Variants in GRM8 observed in about 807,000 individuals in gnomAD.
GRM8 encodes the protein metabotropic glutamate receptor 8.
GRM8 carries 47 observed loss-of-function variants against 87.2 expected under a neutral mutation model. That is an observed-to-expected ratio of 0.54 (90% confidence interval 0.43 to 0.69). The LOEUF (loss-of-function observed/expected upper bound fraction) is 0.69. Ranked by LOEUF, GRM8 falls within the 30% of genes least tolerant of loss-of-function variation. The probability of loss-of-function intolerance (pLI) is 0.00; values close to 1 mark genes in which losing one functional copy is unlikely to be tolerated. For synonymous variants in GRM8, 396 were observed against 404.5 expected, an observed-to-expected ratio of 0.98 and a Z score of 0.25; for missense variants, 1,019 against 1,139.2, an observed-to-expected ratio of 0.89 and a Z score of 1.52.
At chr7:126,848,266 A>G (rs1306047221) in intron 6 of GRM8, among the ~76,000 whole-genome samples, 1 of 152,134 alleles carries the variant, frequency 6.6e-6, no homozygotes, top group Non-Finnish European at 1.5e-5. Context: ...GTCATTGGAA[A>G]ATGAGAGTCT....
intron 8 of GRM8, among the ~76,000 whole-genome samples, chr7:126,592,354 T>C (rs1796755900): frequency 6.6e-6 from 1 of 151,946 alleles, no homozygotes; most frequent in South Asian, 2.1e-4. Flanking sequence ...CCAATATCCC[T>C]GATGAACACT....
At chr7:127,248,728 A>C (rs1383454470) in intron 1 of GRM8, among the ~76,000 whole-genome samples, 1 of 152,230 alleles carries the variant, frequency 6.6e-6, no homozygotes. Flanking sequence ...CCTAGAACTA[A>C]AATATGTTAC....
chr7:126,998,646 A>G lies in GRM8; in HGVS notation c.728-93963T>C, dbSNP rs17866849. Among the ~76,000 whole-genome samples, 644 of 151,872 alleles carry G rather than the reference A, an allele frequency of 4.2e-3. 4 individuals carry two copies. The highest frequency in any genetic ancestry group is 0.015 in the African/African-American group (614 of 41,536). Reference sequence around the variant, plus strand: ...ACATGAAACAATCTGAAAAAGAAAAAAAGTTCTTCCATTTAATATAGCTAC... The same window carrying G: ...ACATGAAACAATCTGAAAAAGAAAAGAAGTTCTTCCATTTAATATAGCTAC... On this transcript the variant is annotated intron_variant, in intron 3 of 10. Transcript: ENST00000339582.
At chr7:127,100,757 C>T (rs34541328) in intron 3 of GRM8, among the ~76,000 whole-genome samples, 93 of 152,254 alleles carry the variant, frequency 6.1e-4, no homozygotes, top group Non-Finnish European at 1.1e-3. Context: ...TCAATGATCT[C>T]CACCTTGCCC....
At chr7:126,877,737 T>C (rs1799654604) in intron 6 of GRM8, among the ~76,000 whole-genome samples, 1 of 152,212 alleles carries the variant, frequency 6.6e-6, no homozygotes, top group Admixed American at 6.5e-5. Context: ...AGCCCACCTA[T>C]GAACTCTCAA....
chr7:126,708,861 C>G (rs1297853861), intron 7 of GRM8, among the ~76,000 whole-genome samples: 1 of 151,792 alleles, frequency 6.6e-6, no homozygotes, highest in East Asian at 1.9e-4. Flanking sequence ...TGAGGGGATT[C>G]AAAATTTTAG....
chr7:126,778,818 G>C (rs1334332720), intron 6 of GRM8, among the ~76,000 whole-genome samples: 2 of 151,620 alleles, frequency 1.3e-5, no homozygotes, highest in Admixed American at 1.3e-4. Flanking sequence ...CTTGGCTCAG[G>C]ATTTACCTTT....
intron 9 of GRM8, among the ~76,000 whole-genome samples, chr7:126,478,315 A>G (rs1806248384): frequency 6.6e-6 from 1 of 152,262 alleles, no homozygotes; most frequent in African/African-American, 2.4e-5. Context: ...GTATGTATGC[A>G]TATTGTCTTA....
At chr7:127,066,760 T>C (rs750636604) in intron 3 of GRM8, among the ~76,000 whole-genome samples, 23 of 152,334 alleles carry the variant, frequency 1.5e-4, no homozygotes, top group Non-Finnish European at 2.5e-4. Context: ...TGTAATTTTG[T>C]AAGCTTTAAC....
At chr7:126,965,148 A>G (rs1809716934) in intron 3 of GRM8, among the ~76,000 whole-genome samples, 1 of 152,114 alleles carries the variant, frequency 6.6e-6, no homozygotes, top group Admixed American at 6.6e-5. Flanking sequence ...ATCACATACC[A>G]GGTCCTGTCA....
At chr7:126,963,570 T>C (rs549242868) in intron 3 of GRM8, among the ~76,000 whole-genome samples, 4 of 152,218 alleles carry the variant, frequency 2.6e-5, no homozygotes, top group South Asian at 4.2e-4. Flanking sequence ...CCATTCACAA[T>C]TGCTACAAAG....
intron 3 of GRM8, among the ~76,000 whole-genome samples, chr7:127,053,894 A>G (rs1819728837): frequency 6.6e-6 from 1 of 152,170 alleles, no homozygotes; most frequent in African/African-American, 2.4e-5. Flanking sequence ...CTGAATTAAC[A>G]GGATTCATTT....
At chr7:127,089,378 G>A (rs1020947109) in intron 3 of GRM8, among the ~76,000 whole-genome samples, 16 of 152,220 alleles carry the variant, frequency 1.1e-4, no homozygotes, top group Admixed American at 3.3e-4. Context: ...CTCCACAATT[G>A]TGGGAGAACA....
At chr7:126,671,236 G>T (rs1378925620) in intron 7 of GRM8, among the ~76,000 whole-genome samples, 2 of 152,176 alleles carry the variant, frequency 1.3e-5, no homozygotes, top group African/African-American at 4.8e-5. Context: ...GGGACCTTAA[G>T]AGGAGAAAAT....
chr7:126,934,611 A>G (rs1196452771), intron 3 of GRM8, among the ~76,000 whole-genome samples: 2 of 152,206 alleles, frequency 1.3e-5, no homozygotes, highest in African/African-American at 4.8e-5. Flanking sequence ...AAACACTTAC[A>G]TGGGTCAAAT....
chr7:127,207,144 A>C (rs1277789724), intron 2 of GRM8, among the ~76,000 whole-genome samples: 7 of 152,252 alleles, frequency 4.6e-5, no homozygotes, highest in Admixed American at 3.9e-4. Context: ...GGTTAACTGC[A>C]CACTAATTTA....
At chr7:126,746,322 A>G (rs1815674304) in intron 7 of GRM8, among the ~76,000 whole-genome samples, 1 of 151,668 alleles carries the variant, frequency 6.6e-6, no homozygotes, top group East Asian at 1.9e-4. Flanking sequence ...ATGTTCCCTA[A>G]CATTACAAAT....
At chr7:127,122,126 C>T (rs1827122347) in intron 2 of GRM8, among the ~76,000 whole-genome samples, 1 of 152,256 alleles carries the variant, frequency 6.6e-6, no homozygotes. Context: ...TGCTATTCTT[C>T]AGCAGATCCT....
At chr7:126,812,809 G>C (rs1458298414) in intron 6 of GRM8, among the ~76,000 whole-genome samples, 2 of 152,016 alleles carry the variant, frequency 1.3e-5, no homozygotes, top group Non-Finnish European at 2.9e-5. Flanking sequence ...ACATAGAGCA[G>C]GTATGCTTTT....
Sources: allele counts gnomAD v4.1 joint callset (sites outside exome capture counted in the v4.1 genomes callset), GRCh38; gene constraint gnomAD v4.1.1; transcripts MANE v1.5; gene names NCBI Gene and HGNC (gene_info 2026-07-23, HGNC 2026-07-21).